The following BRINP3 variants were observed in gnomAD, a reference collection of about 807,000 sequenced individuals.
BRINP3 encodes BMP/retinoic acid inducible neural specific 3, also known as BMP/retinoic acid-inducible neural-specific protein 3.
In BRINP3, 19 loss-of-function variants were observed where a neutral mutation model predicts 71.0. That is an observed-to-expected ratio of 0.27 (90% CI 0.19 to 0.39). BRINP3 has a LOEUF of 0.39. Among genes scored for constraint, BRINP3 ranks in the 10% least tolerant of loss-of-function variants. BRINP3 has a pLI of 1.00. For synonymous variants in BRINP3, 380 were observed against 337.7 expected (o/e 1.13, Z -1.37); for missense variants, 959 against 940.8 (o/e 1.02, Z -0.25).
rs1664725523 is a variant in BRINP3 at position 190,301,333 on chromosome 1, T to C, written c.237-19583A>G. Among the ~76,000 whole-genome samples, 3 of 149,344 alleles carry C rather than the reference T, an allele frequency of 2.0e-5. No individual in the cohort carries two copies. In the Admixed American group the frequency reaches 2.0e-4, roughly 10 times the overall value. On this transcript the variant is annotated intron_variant, in intron 2 of 7. Coordinates refer to ENST00000367462, the MANE Select transcript of BRINP3 (RefSeq NM_199051.3). ...TTACCTCCCTTTACTTCATTTTATC[T>C]CTGCCATTTATAATATAATTGTGTT...
chr1:190,448,461 GTTTGT>G (rs1184675472), intron 2 of BRINP3, among the ~76,000 whole-genome samples: 7 of 97,642 alleles, frequency 7.2e-5, no homozygotes, highest in African/African-American at 1.6e-4. Flanking sequence ...TACACTTGGG[GTTTGT>G]GTGTGTGTGT....
At chr1:190,251,919 T>G (rs895852045) in intron 4 of BRINP3, among the ~76,000 whole-genome samples, 2 of 151,972 alleles carry the variant, frequency 1.3e-5, no homozygotes, top group Non-Finnish European at 2.9e-5. Flanking sequence ...CTAATCCAGT[T>G]TTTCTTTTTA....
At chr1:190,284,957 A>G (rs951558357) in intron 2 of BRINP3, among the ~76,000 whole-genome samples, 3 of 152,140 alleles carry the variant, frequency 2.0e-5, no homozygotes, top group African/African-American at 7.2e-5. Flanking sequence ...TGTATATCCA[A>G]AAGAATAAAG....
intron 2 of BRINP3, among the ~76,000 whole-genome samples, chr1:190,398,513 G>T (rs535967838): frequency 2.0e-5 from 3 of 151,752 alleles, no homozygotes; most frequent in Non-Finnish European, 2.9e-5. Context: ...GCATTCTATA[G>T]GTCTGTATCA....
chr1:190,247,318 AC>A lies in BRINP3; in HGVS notation c.619-12842del, dbSNP rs563091995. Among the ~76,000 whole-genome samples the A allele has an allele frequency of 2.6e-5, 4 of 152,054 alleles. No individual in the cohort carries two copies. In the South Asian group the frequency reaches 8.3e-4, roughly 31 times the overall value. ...ATACCTGTGGAAGGAACTTATCTTT[AC>A]AAATATGCATTTTTGTTTTAGAAAA... is the stretch of plus-strand genomic sequence containing the variant. On this transcript the variant is annotated intron_variant, in intron 4 of 7. Coordinates refer to ENST00000367462, the MANE Select transcript of BRINP3 (RefSeq NM_199051.3).
At chr1:190,173,264 A>G (rs1359916284) in intron 6 of BRINP3, among the ~76,000 whole-genome samples, 2 of 152,206 alleles carry the variant, frequency 1.3e-5, no homozygotes, top group African/African-American at 4.8e-5. Flanking sequence ...TGGTGTATAC[A>G]TAGCAACCAT....
At chr1:190,308,339 A>C (rs1272494699) in intron 2 of BRINP3, among the ~76,000 whole-genome samples, 2 of 151,858 alleles carry the variant, frequency 1.3e-5, no homozygotes, top group African/African-American at 4.8e-5. Context: ...AAAGTGTAAA[A>C]GAGTAATGAT....
intron 2 of BRINP3, among the ~76,000 whole-genome samples, chr1:190,314,418 G>A (rs943533065): frequency 2.6e-5 from 4 of 151,990 alleles, no homozygotes; most frequent in Admixed American, 6.6e-5. Flanking sequence ...AGAATACTGA[G>A]GTTATCCTGG....
intron 7 of BRINP3, among the ~76,000 whole-genome samples, chr1:190,118,235 G>C (rs1468290035): frequency 6.6e-6 from 1 of 152,026 alleles, no homozygotes; most frequent in Admixed American, 6.6e-5. Context: ...ATAGAGGTAA[G>C]AAAATATGGT....
chr1:190,404,040 A>G (rs1672107639), intron 2 of BRINP3, among the ~76,000 whole-genome samples: 1 of 152,194 alleles, frequency 6.6e-6, no homozygotes, highest in Non-Finnish European at 1.5e-5. Flanking sequence ...AAAAGTTCTA[A>G]GAGAGCTCAG....
chr1:190,167,402 G>A (rs1362910128), intron 6 of BRINP3, among the ~76,000 whole-genome samples: 3 of 152,050 alleles, frequency 2.0e-5, no homozygotes, highest in Admixed American at 6.6e-5. Context: ...TGCAGAAATG[G>A]CATTTGGACC....
At chr1:190,292,704 T>C (rs1663962116) in intron 2 of BRINP3, among the ~76,000 whole-genome samples, 1 of 152,082 alleles carries the variant, frequency 6.6e-6, no homozygotes, top group African/African-American at 2.4e-5. Context: ...GGGAGAAATT[T>C]TGGTACTTCT....
intron 2 of BRINP3, among the ~76,000 whole-genome samples, chr1:190,312,856 C>A (rs941552524): frequency 2.0e-5 from 3 of 151,900 alleles, no homozygotes; most frequent in East Asian, 3.9e-4. Context: ...AATTGGAAAT[C>A]TTTGCCAATT....
chr1:190,443,159 A>G (rs1674948372), intron 2 of BRINP3, among the ~76,000 whole-genome samples: 1 of 152,064 alleles, frequency 6.6e-6, no homozygotes, highest in Non-Finnish European at 1.5e-5. Flanking sequence ...TCGGCCTCCC[A>G]AAGTGCTGGG....
At position 190,197,211 on chromosome 1, in the gene BRINP3, T is replaced by C. The variant is rs562053504; in HGVS notation, c.961+28871A>G. On this transcript the variant is annotated intron_variant, in intron 6 of 7. Transcript: ENST00000367462. ...TCTGATGAGATTCAATTACCTCCCA[T>C]TGGGTCCCTCCCATGACATGTGGGG... 6.6e-5 allele frequency among the ~76,000 whole-genome samples: 10 copies of C among 152,050 alleles called. No individual in the cohort carries two copies. In the East Asian group the frequency reaches 1.4e-3, roughly 21 times the overall value.
chr1:190,215,472 T>C (rs1656334382), intron 6 of BRINP3, among the ~76,000 whole-genome samples: 1 of 151,952 alleles, frequency 6.6e-6, no homozygotes, highest in Admixed American at 6.6e-5. Context: ...CCCTAGAAAA[T>C]GTCCTCTTTC....
intron 6 of BRINP3, among the ~76,000 whole-genome samples, chr1:190,177,034 A>G (rs933205017): frequency 1.3e-5 from 2 of 151,896 alleles, no homozygotes; most frequent in East Asian, 3.9e-4. Flanking sequence ...ATTGCAGATG[A>G]CTGTATTACC....
intron 7 of BRINP3, among the ~76,000 whole-genome samples, chr1:190,138,242 C>A (rs1386224673): frequency 6.6e-6 from 1 of 152,096 alleles, no homozygotes; most frequent in Non-Finnish European, 1.5e-5. Flanking sequence ...GTGTGAGCCA[C>A]CACACCTGGC....
chr1:190,327,349 AAG>A (rs1553292206), intron 2 of BRINP3, among the ~76,000 whole-genome samples: 3 of 143,952 alleles, frequency 2.1e-5, no homozygotes, highest in Non-Finnish European at 4.5e-5. Context: ...AAAAAAAAAA[AAG>A]GAAAAAAAAA....
Sources: allele counts gnomAD v4.1 joint callset (sites outside exome capture counted in the v4.1 genomes callset), GRCh38; gene constraint gnomAD v4.1.1; transcripts MANE v1.5; gene names NCBI Gene and HGNC (gene_info 2026-07-23, HGNC 2026-07-21).